Variants in AFAP1 observed in about 807,000 individuals in gnomAD.
AFAP1 encodes the protein actin filament-associated protein 1.
A neutral mutation model predicts 93.9 loss-of-function variants in AFAP1; 75 were observed. That is an observed-to-expected ratio of 0.80 (90% CI 0.66 to 0.97). The LOEUF (loss-of-function observed/expected upper bound fraction) is 0.97, where lower values mean the gene tolerates loss of function less well. Ranked by LOEUF, AFAP1 falls within the 50% of genes least tolerant of loss-of-function variation. AFAP1 has a pLI of 0.00. For synonymous variants in AFAP1, 517 were observed against 430.7 expected, an observed-to-expected ratio of 1.20 and a Z score of -2.48; for missense variants, 1,201 against 1,050.8, an observed-to-expected ratio of 1.14 and a Z score of -1.98.
rs557287699 is a variant in AFAP1 at position 7,808,992 on chromosome 4, T to G, written c.1054+622A>C. On this transcript the variant is annotated intron_variant, in intron 9 of 17. Coordinates refer to ENST00000420658, the MANE Select transcript of AFAP1 (RefSeq NM_001134647.2). ...CTCTCTCTTTATGAATTACCCAGCC[T>G]CAGGCATTCCTTTGGCAGCAACAGG... Among the ~76,000 whole-genome samples, 7 of 152,152 alleles carry G rather than the reference T, an allele frequency of 4.6e-5. No individual in the cohort carries two copies. In the South Asian group the frequency reaches 1.5e-3, roughly 32 times the overall value.
At chr4:7,918,756 G>A (rs1307000488) in intron 1 of AFAP1, among the ~76,000 whole-genome samples, 4 of 123,030 alleles carry the variant, frequency 3.3e-5, no homozygotes, top group African/African-American at 7.1e-5. Context: ...CCAAGAAACA[G>A]GGCTGCCAGA....
chr4:7,937,114 T>G (rs1332792613), intron 1 of AFAP1, among the ~76,000 whole-genome samples: 1 of 152,216 alleles, frequency 6.6e-6, no homozygotes, highest in Non-Finnish European at 1.5e-5. Flanking sequence ...AGTGAAGATG[T>G]TGCACATAAA....
At chr4:7,889,879 G>A in intron 1 of AFAP1, among the ~76,000 whole-genome samples, 1 of 150,242 alleles carries the variant, frequency 6.7e-6, no homozygotes, top group Non-Finnish European at 1.5e-5. Flanking sequence ...TCTGGTGGGA[G>A]GACCATAAAT....
intron 11 of AFAP1, among the ~76,000 whole-genome samples, chr4:7,792,854 G>A (rs79133069): frequency 0.013 from 2,045 of 152,124 alleles, 16 homozygotes; most frequent in Non-Finnish European, 0.022. Context: ...TTTTACTATC[G>A]CAAATGGTAA....
chr4:7,859,361 G>C (rs976761896), intron 3 of AFAP1, among the ~76,000 whole-genome samples: 2 of 152,096 alleles, frequency 1.3e-5, no homozygotes, highest in Non-Finnish European at 2.9e-5. Context: ...AGAGGCTGCA[G>C]TGAGCCAAGA....
intron 3 of AFAP1, among the ~76,000 whole-genome samples, chr4:7,867,086 G>T (rs1577316880): frequency 1.1e-5 from 1 of 91,944 alleles, no homozygotes; most frequent in Non-Finnish European, 2.4e-5. Context: ...GGGAGGGGAG[G>T]AGAGGGGAGG....
chr4:7,885,314 C>G (rs1466569417), intron 1 of AFAP1, among the ~76,000 whole-genome samples: 2 of 152,230 alleles, frequency 1.3e-5, no homozygotes, highest in African/African-American at 4.8e-5. Context: ...CCCCAGGCCT[C>G]TGCACGTGCC....
At chr4:7,915,768 G>A (rs900314366) in intron 1 of AFAP1, among the ~76,000 whole-genome samples, 9 of 152,232 alleles carry the variant, frequency 5.9e-5, no homozygotes, top group Admixed American at 2.6e-4. Context: ...GCCGCCCTGC[G>A]GCAAGCCCCT....
intron 8 of AFAP1, among the ~76,000 whole-genome samples, chr4:7,811,757 G>T (rs1247036319): frequency 6.6e-6 from 1 of 152,152 alleles, no homozygotes; most frequent in East Asian, 1.9e-4. Flanking sequence ...GCGGCACCCG[G>T]GTCTTGGACT....
rs1357540517 is a variant in AFAP1 at position 7,849,891 on chromosome 4, CCTT to C, written c.334+5572_334+5574del. Among the ~76,000 whole-genome samples the C allele has an allele frequency of 8.5e-5, 13 of 152,278 alleles. No individual in the cohort carries two copies. In the South Asian group the frequency reaches 2.1e-3, roughly 24 times the overall value. Reference sequence around the variant, plus strand: ...TCACAAAGTTTTGAACACTGACTCTCCTTCTGCATCACAGATTCTCCACTCTTT... The same window carrying C: ...TCACAAAGTTTTGAACACTGACTCTCCTGCATCACAGATTCTCCACTCTTT... On this transcript the variant is annotated intron_variant, in intron 4 of 17. Transcript: ENST00000420658.
At chr4:7,905,343 A>G (rs571679963) in intron 1 of AFAP1, among the ~76,000 whole-genome samples, 1 of 152,270 alleles carries the variant, frequency 6.6e-6, no homozygotes, top group Non-Finnish European at 1.5e-5. Flanking sequence ...CCATAAAATT[A>G]GTGTTATACT....
chr4:7,917,803 A>T (rs763801882), intron 1 of AFAP1, among the ~76,000 whole-genome samples: 2 of 152,184 alleles, frequency 1.3e-5, no homozygotes, highest in Non-Finnish European at 2.9e-5. Context: ...GCCCGGGGCT[A>T]TTAGCTTTCC....
intron 1 of AFAP1, among the ~76,000 whole-genome samples, chr4:7,905,923 C>G (rs1719373231): frequency 6.6e-6 from 1 of 152,222 alleles, no homozygotes; most frequent in South Asian, 2.1e-4. Context: ...AGAGCACCTT[C>G]CGCAGGGGGA....
intron 9 of AFAP1, among the ~76,000 whole-genome samples, chr4:7,807,851 G>A (rs189800884): frequency 7.8e-4 from 118 of 152,256 alleles, no homozygotes; most frequent in Middle Eastern, 3.4e-3. Context: ...CTGGGTCCTC[G>A]CATCTGCCCC....
At chr4:7,912,541 G>A (rs751855194) in intron 1 of AFAP1, among the ~76,000 whole-genome samples, 2 of 152,102 alleles carry the variant, frequency 1.3e-5, no homozygotes, top group Non-Finnish European at 2.9e-5. Context: ...TTTTCTGACG[G>A]CTAATGATGT....
intron 1 of AFAP1, among the ~76,000 whole-genome samples, chr4:7,928,840 T>C (rs1258517318): frequency 6.6e-6 from 1 of 152,222 alleles, no homozygotes; most frequent in Non-Finnish European, 1.5e-5. Context: ...TTCCCCATCT[T>C]ACATGAGGGG....
chr4:7,869,073 GA>G (rs1240443240), intron 2 of AFAP1, among the ~76,000 whole-genome samples: 4 of 104,602 alleles, frequency 3.8e-5, no homozygotes, highest in Non-Finnish European at 6.2e-5. Context: ...AAAGAGAAAA[GA>G]AAAAAGAAAA....
At chr4:7,793,586 G>A in intron 11 of AFAP1, 95 bp downstream of exon 11, 1 of 1,256,246 alleles carries the variant, frequency 8.0e-7, no homozygotes, top group Non-Finnish European at 1.0e-6. Context: ...TTTTTCTTCT[G>A]GGTCTATATC....
intron 11 of AFAP1, among the ~76,000 whole-genome samples, chr4:7,792,867 T>C (rs572731882): frequency 1.3e-5 from 2 of 152,218 alleles, no homozygotes; most frequent in Non-Finnish European, 2.9e-5. Flanking sequence ...AATGGTAAAA[T>C]TCTTTGACTA....
Sources: gnomAD v4.1 joint callset for allele counts (sites outside exome capture counted in the v4.1 genomes callset) on GRCh38, gnomAD v4.1.1 for gene constraint, MANE v1.5 for transcripts, NCBI Gene and HGNC (gene_info 2026-07-23, HGNC 2026-07-21) for gene names.